The following C2orf78 variants were observed in gnomAD, a reference collection of about 807,000 sequenced individuals.
The protein encoded by C2orf78 is chromosome 2 open reading frame 78, also known as uncharacterized protein C2orf78.
C2orf78 carries 12 observed loss-of-function variants against 21.4 expected under a neutral mutation model. The ratio of observed to expected loss-of-function variants is 0.56; its 90% CI spans 0.36 to 0.91. The LOEUF (loss-of-function observed/expected upper bound fraction) is 0.91, where lower values mean the gene tolerates loss of function less well. C2orf78 is among the 40% of genes least tolerant of loss of function. C2orf78 has a pLI of 0.01. For missense variants in C2orf78, 1,042 were observed against 1,092.4 expected, an observed-to-expected ratio of 0.95 and a Z score of 0.65; for synonymous variants, 396 against 413.9, an observed-to-expected ratio of 0.96 and a Z score of 0.52.
At chr2:73,784,781 A>G (rs1278784216) in intron 1 of C2orf78, among the ~76,000 whole-genome samples, 1 of 151,412 alleles carries the variant, frequency 6.6e-6, no homozygotes, top group African/African-American at 2.5e-5. Flanking sequence ...AACTAGCAAT[A>G]TATTCTGAGA....
exon 3 of C2orf78, chr2:73,815,077 A>C: frequency 3.7e-6 from 6 of 1,609,274 alleles, no homozygotes; most frequent in Non-Finnish European, 5.1e-6. Context: ...GTAGTGATGG[A>C]AACTTCCCTG....
At chr2:73,812,382 C>T (rs1039731882) in intron 1 of C2orf78, among the ~76,000 whole-genome samples, 1 of 152,134 alleles carries the variant, frequency 6.6e-6, no homozygotes. Context: ...ATATCTTCCT[C>T]ATTATAAGTC....
exon 2 of C2orf78, chr2:73,813,696 T>G: frequency 1.2e-6 from 2 of 1,613,992 alleles, no homozygotes; most frequent in Non-Finnish European, 1.7e-6. Flanking sequence ...AGCACAACTA[T>G]GTTGTCTGGG....
intron 1 of C2orf78, among the ~76,000 whole-genome samples, chr2:73,812,406 C>T (rs904179857): frequency 6.6e-6 from 1 of 152,096 alleles, no homozygotes; most frequent in African/African-American, 2.4e-5. Context: ...TGTAATCTAT[C>T]ACTTTTATTC....
At chr2:73,785,784 C>T (rs566230362) in intron 1 of C2orf78, among the ~76,000 whole-genome samples, 1 of 152,038 alleles carries the variant, frequency 6.6e-6, no homozygotes, top group Admixed American at 6.6e-5. Flanking sequence ...CGGTGGCTTA[C>T]ACCTGTAATC....
intron 1 of C2orf78, among the ~76,000 whole-genome samples, chr2:73,785,793 T>A (rs71418707): frequency 4.6e-5 from 7 of 152,014 alleles, no homozygotes; most frequent in South Asian, 2.1e-4. Flanking sequence ...ACACCTGTAA[T>A]CCCAGCACTT....
chr2:73,816,110 C>T (rs372702231), exon 3 of C2orf78: 2 of 1,613,854 alleles, frequency 1.2e-6, no homozygotes, highest in Non-Finnish European at 1.7e-6. Flanking sequence ...TAGGCATGCA[C>T]ATGCTAGAGT....
chr2:73,816,570 C>G (rs770873465), exon 3 of C2orf78: 52 of 1,613,550 alleles, frequency 3.2e-5, no homozygotes, highest in Admixed American at 5.0e-5. Context: ...TCCTGCCACA[C>G]CAGCTCAGCC....
chr2:73,786,522 T>A (rs1672936142), intron 1 of C2orf78, among the ~76,000 whole-genome samples: 1 of 79,602 alleles, frequency 1.3e-5, no homozygotes, highest in Admixed American at 1.5e-4. Context: ...CAGCCCTAAC[T>A]CATTTTATCA....
exon 2 of C2orf78, chr2:73,814,036 G>A: frequency 2.5e-6 from 4 of 1,613,962 alleles, no homozygotes; most frequent in Non-Finnish European, 3.4e-6. Flanking sequence ...AAGGCACACT[G>A]GGGCCTCAAC....
At chr2:73,813,898 T>C (rs1375866276) in exon 2 of C2orf78, 4 of 1,613,912 alleles carry the variant, frequency 2.5e-6, no homozygotes, top group Non-Finnish European at 3.4e-6. Context: ...ATACCAATAC[T>C]ATGGTCCCTC....
At chr2:73,816,412 A>G in exon 3 of C2orf78, 1 of 1,613,604 alleles carries the variant, frequency 6.2e-7, no homozygotes, top group Non-Finnish European at 8.5e-7. Flanking sequence ...GACCAACCTC[A>G]AGCTCGACAT....
rs1308785065 is a variant in C2orf78 at position 73,784,471 on chromosome 2, T to G, written c.97+65T>G. The G allele has an allele frequency of 5.2e-6, 3 of 574,724 alleles. No homozygotes were observed. In the East Asian group the frequency reaches 9.1e-5, roughly 17 times the overall value. 35.6% of individuals were successfully genotyped at this position (574,724 alleles called of 1,614,324 possible). ...TCTTTGCCACTAAATTTAGATTTCT[T>G]TCCCCCTATATTCCCAAACAGCTTG... On this transcript the variant is annotated intron_variant, in intron 1 of 2. Transcript: ENST00000409561.
chr2:73,810,685 C>A (rs1157699364), intron 1 of C2orf78, among the ~76,000 whole-genome samples: 6 of 123,290 alleles, frequency 4.9e-5, no homozygotes, highest in Admixed American at 3.6e-4. Context: ...ATAAAATATA[C>A]ATATATATTT....
At position 73,816,744 on chromosome 2, in the gene C2orf78, C is replaced by A. The variant is rs914323334; in HGVS notation, c.2521C>A (p.Pro841Thr). Residue 841 changes from proline (P) to threonine (T), a missense_variant, in exon 3 of 3, where the codon CCT (proline) becomes ACT (threonine). Physicochemically the swap from Pro to Thr is conservative, Grantham distance 38. Around this residue, in one of 2 missense-constraint regions of C2orf78, gnomAD observed 1,039 missense variants for 1,069.7 expected, o/e 0.97. Transcript: ENST00000409561. ...GACCAGTCTCCGGTCACTGCCCAAGCCTCAAAATCAATTTCTAATCCAAGA... is the reference window on the plus strand; with the variant it reads ...GACCAGTCTCCGGTCACTGCCCAAGACTCAAAATCAATTTCTAATCCAAGA... 4 of 1,614,000 alleles carry A rather than the reference C, an allele frequency of 2.5e-6. No homozygotes were observed. The East Asian group carries it at 8.9e-5, about 36-fold the overall frequency.
chr2:73,816,263 G>A (rs1673194745), exon 3 of C2orf78: 1 of 1,613,788 alleles, frequency 6.2e-7, no homozygotes, highest in African/African-American at 1.3e-5. Flanking sequence ...TCCAACATGA[G>A]GGTAAAGGCC....
At chr2:73,811,918 A>G (rs1428044789) in intron 1 of C2orf78, among the ~76,000 whole-genome samples, 1 of 152,182 alleles carries the variant, frequency 6.6e-6, no homozygotes, top group African/African-American at 2.4e-5. Context: ...AATGAGCATA[A>G]TAATTCCTTT....
intron 1 of C2orf78, among the ~76,000 whole-genome samples, chr2:73,813,037 A>G (rs1673120178): frequency 6.6e-6 from 1 of 152,220 alleles, no homozygotes; most frequent in South Asian, 2.1e-4. Context: ...TGGTAATGAT[A>G]TTAACATAAT....
intron 1 of C2orf78, among the ~76,000 whole-genome samples, chr2:73,798,144 C>T (rs1433682969): frequency 4.4e-5 from 6 of 135,304 alleles, no homozygotes; most frequent in Admixed American, 7.1e-5. Context: ...TTCTTTAATC[C>T]CTTCCTCTGG....
Sources: gnomAD v4.1 joint callset for allele counts (sites outside exome capture counted in the v4.1 genomes callset) on GRCh38, gnomAD v4.1.1 for gene constraint, gnomAD v4.1.1 regional missense constraint, MANE v1.5 for transcripts, NCBI Gene and HGNC (gene_info 2026-07-23, HGNC 2026-07-21) for gene names.